ASPH: variants seen among roughly 807,000 people sequenced by gnomAD.
ASPH encodes the protein aspartyl/asparaginyl beta-hydroxylase.
Under a neutral mutation model 118.4 loss-of-function variants are expected in ASPH, and 100 were observed. The observed-to-expected ratio is 0.84, with a 90% CI of 0.72 to 1.00. The LOEUF is 1.00. Ranked by LOEUF, ASPH falls within the 50% of genes least tolerant of loss-of-function variation. The pLI is 0.00. For synonymous variants in ASPH, 315 were observed against 325.6 expected (o/e 0.97, Z 0.35); for missense variants, 920 against 919.5 (o/e 1.00, Z -0.01).
In ASPH at chr8:61,713,706, G is replaced by A. The variant is rs545461862; in HGVS notation, c.103+563C>T. ...GTATTTCATGACATTCTATTTTAAA[G>A]GCAACTGCAACGCATATTAAGAAAG... On this transcript the variant is annotated intron_variant, in intron 1 of 24. Transcript: ENST00000379454. 1.1e-3 allele frequency among the ~76,000 whole-genome samples: 175 copies of A among 152,254 alleles called. 1 individual carries two copies. Among genetic ancestry groups the A allele is most frequent in the Middle Eastern group, 0.01 (3 of 294 alleles).
chr8:61,636,941 C>T (rs1858074092), intron 12 of ASPH, among the ~76,000 whole-genome samples: 1 of 152,144 alleles, frequency 6.6e-6, no homozygotes. Context: ...AGTGCCTGTA[C>T]AGGGGTCTCT....
intron 15 of ASPH, among the ~76,000 whole-genome samples, 192 bp downstream of exon 15, chr8:61,583,751 TC>T (rs1360532869): frequency 5.3e-5 from 8 of 152,130 alleles, no homozygotes; most frequent in African/African-American, 1.9e-4. Context: ...GTTCTATTTC[TC>T]TTTGGCCATG....
chr8:61,632,137 A>C (rs1483838017), intron 13 of ASPH: 5 of 152,192 alleles, frequency 3.3e-5, no homozygotes, highest in Non-Finnish European at 7.3e-5. Flanking sequence ...TCAGATCTTC[A>C]TTTGTATGTG....
chr8:61,518,946 C>T (rs1050567377), intron 22 of ASPH, among the ~76,000 whole-genome samples: 2 of 152,176 alleles, frequency 1.3e-5, no homozygotes, highest in Admixed American at 1.3e-4. Flanking sequence ...CACTTTTCAC[C>T]GTGATATGCA....
chr8:61,616,262 C>T (rs1395226032), intron 14 of ASPH, among the ~76,000 whole-genome samples: 1 of 152,108 alleles, frequency 6.6e-6, no homozygotes, highest in East Asian at 1.9e-4. Context: ...CAGACCTGTG[C>T]ACCGAGGATA....
intron 1 of ASPH, 128 bp from the exon 2 acceptor site, chr8:61,684,316 T>A: frequency 9.7e-7 from 1 of 1,029,516 alleles, no homozygotes; most frequent in Non-Finnish European, 1.3e-6. Flanking sequence ...AGTTTCCAGT[T>A]AAATTCTCAA....
rs544485838 is a variant in ASPH at position 61,679,950 on chromosome 8, A to C, written c.322+1018T>G. 2.7e-3 allele frequency among the ~76,000 whole-genome samples: 410 copies of C among 149,656 alleles called. 6 individuals are homozygous for C. The highest frequency in any genetic ancestry group is 9.6e-3 in the African/African-American group (393 of 41,098). On this transcript the variant is annotated intron_variant, in intron 3 of 24. Transcript: ENST00000379454. ...TTCCCAATGGGCAATAATAAAAAAA[A>C]AAAAAAAACAAAAAACACCAACACA...
intron 17 of ASPH, among the ~76,000 whole-genome samples, chr8:61,563,270 ACTAACTTCAG>A (rs1380135740): frequency 6.6e-6 from 1 of 152,162 alleles, no homozygotes; most frequent in Non-Finnish European, 1.5e-5. Context: ...AAAAGTCTTA[ACTAACTTCAG>A]GGTCTAGCAC....
chr8:61,527,298 C>A (rs138555301), intron 21 of ASPH, among the ~76,000 whole-genome samples: 1 of 152,226 alleles, frequency 6.6e-6, no homozygotes, highest in African/African-American at 2.4e-5. Flanking sequence ...GAGCAAAGCA[C>A]GAGATAATGT....
intron 1 of ASPH, among the ~76,000 whole-genome samples, chr8:61,691,184 A>C (rs1008219506): frequency 2.0e-5 from 3 of 152,168 alleles, no homozygotes; most frequent in Non-Finnish European, 2.9e-5. Flanking sequence ...CACTTTGTAA[A>C]TATGGTGTGC....
intron 3 of ASPH, chr8:61,676,195 A>T: frequency 1.3e-6 from 2 of 1,599,148 alleles, no homozygotes; most frequent in South Asian, 2.2e-5. Flanking sequence ...GCATTTCAAA[A>T]GGAGTCATTA....
intron 16 of ASPH, among the ~76,000 whole-genome samples, chr8:61,571,041 T>C (rs1346659518): frequency 1.3e-5 from 2 of 152,232 alleles, no homozygotes; most frequent in African/African-American, 2.4e-5. Flanking sequence ...TGTTGGAATA[T>C]TCCAAAGTAA....
intron 1 of ASPH, among the ~76,000 whole-genome samples, chr8:61,698,589 T>C (rs1381757152): frequency 6.6e-6 from 1 of 152,216 alleles, no homozygotes; most frequent in Admixed American, 6.5e-5. Context: ...AGTGATCAAG[T>C]TAACTTTTAG....
chr8:61,675,146 C>T, intron 3 of ASPH: 1 of 302,524 alleles, frequency 3.3e-6, no homozygotes, highest in Non-Finnish European at 4.9e-6. Flanking sequence ...GTTTACTGCC[C>T]TAAATGGAAT....
At chr8:61,616,745 G>A (rs1849167919) in intron 14 of ASPH, among the ~76,000 whole-genome samples, 1 of 152,104 alleles carries the variant, frequency 6.6e-6, no homozygotes, top group Non-Finnish European at 1.5e-5. Flanking sequence ...CTAACCTCCT[G>A]GGACACCTTC....
intron 3 of ASPH, among the ~76,000 whole-genome samples, chr8:61,672,690 G>A (rs1823216509): frequency 6.6e-6 from 1 of 152,164 alleles, no homozygotes. Flanking sequence ...TAGTTTCAAG[G>A]AGTCCACAAA....
intron 21 of ASPH, among the ~76,000 whole-genome samples, chr8:61,528,328 G>A (rs1344609542): frequency 6.6e-6 from 1 of 152,244 alleles, no homozygotes; most frequent in Non-Finnish European, 1.5e-5. Context: ...GGATTTCGCT[G>A]TATGTTCACA....
At chr8:61,543,472 T>C (rs1822684667) in intron 21 of ASPH, among the ~76,000 whole-genome samples, 1 of 152,210 alleles carries the variant, frequency 6.6e-6, no homozygotes, top group Non-Finnish European at 1.5e-5. Context: ...TTTTTTATAA[T>C]TTCTGTCTCT....
At chr8:61,682,179 T>C (rs1392728396) in intron 2 of ASPH, among the ~76,000 whole-genome samples, 2 of 151,962 alleles carry the variant, frequency 1.3e-5, no homozygotes, top group Non-Finnish European at 2.9e-5. Flanking sequence ...CATACACATT[T>C]AAAATGATTA....
Sources: gnomAD v4.1 joint callset for allele counts (sites outside exome capture counted in the v4.1 genomes callset) on GRCh38, gnomAD v4.1.1 for gene constraint, MANE v1.5 for transcripts, NCBI Gene and HGNC (gene_info 2026-07-23, HGNC 2026-07-21) for gene names.